Variants in SNTG1 observed in about 807,000 individuals in gnomAD.
The protein encoded by SNTG1 is syntrophin gamma 1, also known as gamma-1-syntrophin.
In SNTG1, 39 loss-of-function variants were observed where a neutral mutation model predicts 74.7. The ratio of observed to expected loss-of-function variants is 0.52; its 90% CI spans 0.40 to 0.68. The LOEUF is 0.68. Among genes scored for constraint, SNTG1 ranks in the 30% least tolerant of loss-of-function variants. SNTG1 has a pLI of 0.00. For synonymous variants in SNTG1, 254 were observed against 217.1 expected (o/e 1.17, Z -1.49); for missense variants, 685 against 609.5 (o/e 1.12, Z -1.30).
chr8:50,734,295 A>G (rs2095519997), intron 17 of SNTG1, among the ~76,000 whole-genome samples: 1 of 151,758 alleles, frequency 6.6e-6, no homozygotes, highest in Non-Finnish European at 1.5e-5. Context: ...CAAGTGTAGT[A>G]TTTATATAGA....
intron 2 of SNTG1, among the ~76,000 whole-genome samples, chr8:50,230,097 T>C (rs2085538900): frequency 6.6e-6 from 1 of 151,420 alleles, no homozygotes; most frequent in Non-Finnish European, 1.5e-5. Context: ...TAGAGGGTGA[T>C]TTACAGCATT....
rs540932720 is a variant in SNTG1 at position 50,281,003 on chromosome 8, A to G, written c.-28+108368A>G. ...CCAGTCTCAAAAAAAAAAAAAAAAA[A>G]AAAGAAAGAAAGAAAGAAAAATAAA... On this transcript the variant is annotated intron_variant, in intron 2 of 18. Transcript: ENST00000642720. 7.9e-3 allele frequency among the ~76,000 whole-genome samples: 1,196 copies of G among 150,816 alleles called. 20 individuals carry two copies. The highest frequency in any genetic ancestry group is 0.027 in the African/African-American group (1,096 of 40,882).
chr8:50,769,486 G>A (rs1355746087), intron 18 of SNTG1, among the ~76,000 whole-genome samples: 1 of 151,904 alleles, frequency 6.6e-6, no homozygotes, highest in African/African-American at 2.4e-5. Flanking sequence ...TGTTCTCATA[G>A]TAAGGTAATT....
intron 13 of SNTG1, among the ~76,000 whole-genome samples, chr8:50,635,600 G>C (rs1377130757): frequency 6.6e-6 from 1 of 152,150 alleles, no homozygotes; most frequent in Non-Finnish European, 1.5e-5. Context: ...GTGCTTCCAG[G>C]CAATTGCCGA....
At chr8:50,395,153 C>A (rs1289213690) in intron 3 of SNTG1, among the ~76,000 whole-genome samples, 2 of 152,006 alleles carry the variant, frequency 1.3e-5, no homozygotes, top group African/African-American at 4.8e-5. Flanking sequence ...TCTTCTAAAG[C>A]AATTGAAAAA....
intron 17 of SNTG1, among the ~76,000 whole-genome samples, 200 bp from the exon 18 acceptor site, chr8:50,751,801 A>C (rs1293382136): frequency 1.3e-5 from 2 of 152,042 alleles, no homozygotes; most frequent in African/African-American, 2.4e-5. Context: ...TTCATGGATA[A>C]AATATTTCTG....
intron 4 of SNTG1, among the ~76,000 whole-genome samples, chr8:50,419,968 A>G (rs770526794): frequency 1.3e-5 from 2 of 151,902 alleles, no homozygotes; most frequent in African/African-American, 2.4e-5. Context: ...AACAATAAAA[A>G]TTACTCATTC....
At chr8:50,430,780 A>G (rs1198654722) in intron 4 of SNTG1, among the ~76,000 whole-genome samples, 1 of 152,164 alleles carries the variant, frequency 6.6e-6, no homozygotes, top group Non-Finnish European at 1.5e-5. Flanking sequence ...CCATCCAGAA[A>G]AGGCAAGAAT....
Position 50,402,273 on chromosome 8 carries a change from C to T in SNTG1, c.91C>T (p.Leu31=), listed in dbSNP as rs1305362879. ...GGAGCCTTTCAAAGTGCGGCTGCAC[C>T]TAGCCAAAGACATTTTGATGATCCA... ...NQEPFKVRLH[L]AKDILMIQEQ... The change falls in exon 4 of 19, where the codon CTA becomes TTA. Residue 31 remains leucine (L), a synonymous_variant. Coordinates refer to ENST00000642720, the MANE Select transcript of SNTG1 (RefSeq NM_018967.5). The T allele has an allele frequency of 6.2e-7, 1 of 1,613,558 alleles. No homozygotes were observed. Among genetic ancestry groups the T allele is most frequent in the East Asian group, 2.2e-5 (1 of 44,870 alleles).
chr8:50,588,305 TAAC>T (rs2094667499), intron 12 of SNTG1, among the ~76,000 whole-genome samples: 2 of 152,122 alleles, frequency 1.3e-5, no homozygotes, highest in East Asian at 3.9e-4. Flanking sequence ...TTTTAAATCT[TAAC>T]AAGGAATTAT....
intron 2 of SNTG1, among the ~76,000 whole-genome samples, chr8:50,268,583 A>G (rs2087602022): frequency 6.6e-6 from 1 of 152,110 alleles, no homozygotes; most frequent in Admixed American, 6.6e-5. Context: ...GAGGAGGGAG[A>G]GATACACAGA....
chr8:50,439,448 T>C (rs1026029792), intron 5 of SNTG1, among the ~76,000 whole-genome samples: 1 of 152,064 alleles, frequency 6.6e-6, no homozygotes, highest in African/African-American at 2.4e-5. Flanking sequence ...GAACTCTAAA[T>C]TTTGTGAACA....
intron 1 of SNTG1, among the ~76,000 whole-genome samples, chr8:50,140,627 G>A (rs762552942): frequency 1.6e-4 from 25 of 152,094 alleles, no homozygotes; most frequent in Non-Finnish European, 2.8e-4. Flanking sequence ...GTGGGTGTGA[G>A]TGTGTTTTTG....
chr8:50,366,467 C>A (rs1317382750), intron 2 of SNTG1, among the ~76,000 whole-genome samples: 1 of 151,818 alleles, frequency 6.6e-6, no homozygotes, highest in East Asian at 1.9e-4. Context: ...CATAACAAGC[C>A]CCTTTCAACC....
At chr8:50,022,747 G>A (rs960846763) in intron 1 of SNTG1, among the ~76,000 whole-genome samples, 2 of 152,138 alleles carry the variant, frequency 1.3e-5, no homozygotes, top group African/African-American at 4.8e-5. Flanking sequence ...AGGAAATAGT[G>A]TCCATGTTGC....
chr8:50,322,378 T>C (rs1174932784), intron 2 of SNTG1, among the ~76,000 whole-genome samples: 2 of 152,176 alleles, frequency 1.3e-5, no homozygotes, highest in Non-Finnish European at 2.9e-5. Flanking sequence ...CTAAAAGGCT[T>C]CCACTGGGAA....
In SNTG1 at chr8:50,429,015, T is replaced by C. The variant is rs138717067; in HGVS notation, c.163-9528T>C. 5.6e-3 allele frequency among the ~76,000 whole-genome samples: 856 copies of C among 152,146 alleles called. 14 individuals are homozygous for C. The highest frequency in any genetic ancestry group is 0.014 in the Middle Eastern group (4 of 294). On this transcript the variant is annotated intron_variant, in intron 4 of 18. Coordinates refer to ENST00000642720, the MANE Select transcript of SNTG1 (RefSeq NM_018967.5). ...CAGAGCCTAAATAAATGAAAAGACATACCATTTTCATGTATTAGAAAACTC... is the reference window on the plus strand; with the variant it reads ...CAGAGCCTAAATAAATGAAAAGACACACCATTTTCATGTATTAGAAAACTC...
chr8:50,781,042 A>T (rs2095657863), intron 18 of SNTG1, among the ~76,000 whole-genome samples: 1 of 152,090 alleles, frequency 6.6e-6, no homozygotes, highest in Non-Finnish European at 1.5e-5. Context: ...CCTGAGTTCT[A>T]GTTTGATTGC....
chr8:50,336,500 CT>C (rs537904523), intron 2 of SNTG1, among the ~76,000 whole-genome samples: 1 of 151,864 alleles, frequency 6.6e-6, no homozygotes, highest in Non-Finnish European at 1.5e-5. Context: ...CAGAGGTGGT[CT>C]TTTTTTTCCT....
Sources: gnomAD v4.1 joint callset for allele counts (sites outside exome capture counted in the v4.1 genomes callset) on GRCh38, gnomAD v4.1.1 for gene constraint, MANE v1.5 for transcripts, NCBI Gene and HGNC (gene_info 2026-07-23, HGNC 2026-07-21) for gene names.